RSU1: variants seen among roughly 807,000 people sequenced by gnomAD.
RSU1 encodes rsu-1.
In RSU1, 26 loss-of-function variants were observed where a neutral mutation model predicts 31.1. That is an observed-to-expected ratio of 0.84 (90% confidence interval 0.61 to 1.16). The LOEUF is 1.16. Among genes scored for constraint, RSU1 ranks in the 50% most tolerant of loss-of-function variants. The pLI is 0.00. For synonymous variants in RSU1, 164 were observed against 136.3 expected (o/e 1.20, Z -1.41); for missense variants, 320 against 339.1 (o/e 0.94, Z 0.44).
At chr10:16,812,247 G>T (rs908462347) in intron 2 of RSU1, among the ~76,000 whole-genome samples, 8 of 152,176 alleles carry the variant, frequency 5.3e-5, no homozygotes, top group Non-Finnish European at 1.2e-4. Flanking sequence ...TTCAAGACCA[G>T]CCTGGCCAAT....
chr10:16,715,469 T>G (rs1348827590), intron 7 of RSU1, among the ~76,000 whole-genome samples: 1 of 152,216 alleles, frequency 6.6e-6, no homozygotes, highest in African/African-American at 2.4e-5. Flanking sequence ...TCATTTTGAG[T>G]TAATTCTTCT....
At position 16,775,087 on chromosome 10, in the gene RSU1, T is replaced by C. The variant is rs145771324; in HGVS notation, c.160+6947A>G. 1.1e-3 allele frequency among the ~76,000 whole-genome samples: 167 copies of C among 152,308 alleles called. No homozygotes were observed. The Middle Eastern group carries it at 0.017, about 16-fold the overall frequency. On this transcript the variant is annotated intron_variant, in intron 3 of 8. Transcript: ENST00000345264. ...AGAGAAGAGATGCTCTACAAGAATG[T>C]ATGTACCTAAGTATTGCACCTCTTA...
intron 7 of RSU1, among the ~76,000 whole-genome samples, chr10:16,712,435 G>A (rs1055575270): frequency 3.3e-5 from 5 of 151,914 alleles, no homozygotes; most frequent in Non-Finnish European, 7.4e-5. Flanking sequence ...TTCGCGGTTT[G>A]GTGGTTTTCT....
intron 2 of RSU1, among the ~76,000 whole-genome samples, chr10:16,816,394 G>A (rs1392310546): frequency 1.3e-5 from 2 of 152,168 alleles, no homozygotes; most frequent in Non-Finnish European, 2.9e-5. Flanking sequence ...AGGGGTTACA[G>A]GAAAATGACA....
intron 7 of RSU1, among the ~76,000 whole-genome samples, chr10:16,719,131 C>T (rs947802932): frequency 6.6e-6 from 1 of 152,144 alleles, no homozygotes; most frequent in East Asian, 1.9e-4. Context: ...AACACAGTGA[C>T]AACCTATCTC....
At chr10:16,676,991 T>G (rs1489257866) in intron 8 of RSU1, among the ~76,000 whole-genome samples, 5 of 152,134 alleles carry the variant, frequency 3.3e-5, no homozygotes, top group Admixed American at 3.3e-4. Flanking sequence ...CCCTTGAATG[T>G]CGCATGTGCC....
rs1838550682 is a variant in RSU1 at position 16,817,008 on chromosome 10, C to T, written c.74G>A (p.Arg25Gln). The change falls in exon 2 of 9, where the codon CGG becomes CAG. Residue 25 changes from arginine (R) to glutamine (Q), a missense_variant. Physicochemically the swap from Arg to Gln is conservative, Grantham distance 43. Transcript: ENST00000345264. ...KNQPEVDMSD[R>Q]GISNMLDVNG... ...GACATCCAGCATGTTGGAGATGCCC[C>T]GGTCACTCATGTCCACCTCGGGCTG... The T allele has an allele frequency of 6.2e-7, 1 of 1,614,096 alleles. No individual in the cohort carries two copies. Among genetic ancestry groups the T allele is most frequent in the Non-Finnish European group, 8.5e-7 (1 of 1,179,916 alleles).
chr10:16,679,498 T>C (rs1228384557), intron 8 of RSU1, among the ~76,000 whole-genome samples: 3 of 152,066 alleles, frequency 2.0e-5, no homozygotes, highest in African/African-American at 7.2e-5. Context: ...AAAAGGAGCT[T>C]AGAGTTGATG....
In RSU1 at chr10:16,695,155, C is replaced by A. The variant is rs199904406; in HGVS notation, c.599G>T (p.Gly200Val). ...NRLTVLPPELGNLDLTGQKQV... is the reference protein window; with the variant it reads ...NRLTVLPPELVNLDLTGQKQV... ...CTTCTGGCCAGTTAAATCCAAGTTT[C>A]CTGGGGGGGGGGAAAAAAAAAGTGA... The change falls in exon 8 of 9, where the codon GGA becomes GTA. Residue 200 changes from glycine (G) to valine (V), a missense_variant and splice_region_variant. By Grantham distance (109) the Gly-to-Val change is moderately radical. Coordinates refer to ENST00000345264, the MANE Select transcript of RSU1 (RefSeq NM_012425.4). The A allele has an allele frequency of 4.8e-6, 7 of 1,454,472 alleles. No individual in the cohort carries two copies. Among genetic ancestry groups the A allele is most frequent in the Admixed American group, 4.5e-5 (2 of 44,408 alleles). 90.1% of individuals were successfully genotyped at this position (1,454,472 alleles called of 1,614,324 possible). A position where few individuals can be genotyped will look rare whatever the true frequency, so the allele number is the denominator to read the frequency against.
chr10:16,624,406 C>T (rs922376279), intron 8 of RSU1, among the ~76,000 whole-genome samples: 1 of 152,076 alleles, frequency 6.6e-6, no homozygotes, highest in Non-Finnish European at 1.5e-5. Context: ...AAATATGATC[C>T]CTCCTCCTGA....
At chr10:16,716,842 G>T (rs574828983) in intron 7 of RSU1, among the ~76,000 whole-genome samples, 1 of 150,960 alleles carries the variant, frequency 6.6e-6, no homozygotes, top group South Asian at 2.1e-4. Flanking sequence ...TAGGAGACAA[G>T]AGGTCAAACA....
chr10:16,643,419 G>C (rs948195981), intron 8 of RSU1, among the ~76,000 whole-genome samples: 1 of 152,072 alleles, frequency 6.6e-6, no homozygotes, highest in Non-Finnish European at 1.5e-5. Context: ...GTGGGCAGAA[G>C]CTTTATTTAT....
Position 16,780,819 on chromosome 10 carries a change from A to G in RSU1, c.160+1215T>C, listed in dbSNP as rs546160593. 1.2e-4 allele frequency among the ~76,000 whole-genome samples: 19 copies of G among 152,332 alleles called. No individual in the cohort carries two copies. In the South Asian group the frequency reaches 1.9e-3, roughly 15 times the overall value. On this transcript the variant is annotated intron_variant, in intron 3 of 8. Transcript: ENST00000345264. ...TGGAACCGGCAATAAATTACCTGTTACAACAATGACCACACATGACTTGTA... is the reference window on the plus strand; with the variant it reads ...TGGAACCGGCAATAAATTACCTGTTGCAACAATGACCACACATGACTTGTA...
At chr10:16,663,426 T>C (rs558856828) in intron 8 of RSU1, among the ~76,000 whole-genome samples, 5 of 152,302 alleles carry the variant, frequency 3.3e-5, no homozygotes, top group South Asian at 2.1e-4. Context: ...CTTTCTTCAA[T>C]TGAAAGAGCT....
At chr10:16,645,764 G>A (rs111741402) in intron 8 of RSU1, among the ~76,000 whole-genome samples, 7,784 of 147,928 alleles carry the variant, frequency 0.053, 812 homozygotes, top group African/African-American at 0.19. Context: ...CCGAGATCAC[G>A]CCACTGCACT....
chr10:16,709,576 C>A (rs1835976303), intron 7 of RSU1, among the ~76,000 whole-genome samples: 1 of 152,222 alleles, frequency 6.6e-6, no homozygotes, highest in Non-Finnish European at 1.5e-5. Context: ...CCCACACTGA[C>A]TTCCACAATA....
chr10:16,642,129 G>C (rs1834452968), intron 8 of RSU1, among the ~76,000 whole-genome samples: 1 of 152,174 alleles, frequency 6.6e-6, no homozygotes, highest in African/African-American at 2.4e-5. Context: ...GTCTGATTCT[G>C]ATTTTCTCTG....
At chr10:16,788,115 G>C (rs986112482) in intron 2 of RSU1, among the ~76,000 whole-genome samples, 4 of 152,124 alleles carry the variant, frequency 2.6e-5, no homozygotes, top group Admixed American at 2.0e-4. Context: ...AGAAATCCCT[G>C]ATAACAAACA....
chr10:16,738,251 C>G (rs1039142110), intron 7 of RSU1, among the ~76,000 whole-genome samples: 1 of 152,094 alleles, frequency 6.6e-6, no homozygotes, highest in African/African-American at 2.4e-5. Flanking sequence ...TCGAGACCAT[C>G]CTGGCTAACA....
Sources: allele counts gnomAD v4.1 joint callset (sites outside exome capture counted in the v4.1 genomes callset), GRCh38; gene constraint gnomAD v4.1.1; transcripts MANE v1.5; gene names NCBI Gene and HGNC (gene_info 2026-07-23, HGNC 2026-07-21).